Variants in PCDH9 observed in about 807,000 individuals in gnomAD.
PCDH9 encodes the protein protocadherin 9.
A neutral mutation model predicts 70.6 loss-of-function variants in PCDH9; 24 were observed. The ratio of observed to expected loss-of-function variants is 0.34; its 90% confidence interval spans 0.25 to 0.48. The LOEUF (loss-of-function observed/expected upper bound fraction) is 0.48. Among genes scored for constraint, PCDH9 ranks in the 20% least tolerant of loss-of-function variants. PCDH9 has a pLI of 0.99. For synonymous variants in PCDH9, 562 were observed against 558.5 expected (o/e 1.01, Z -0.09); for missense variants, 1,281 against 1,503.6 (o/e 0.85, Z 2.45).
At chr13:66,424,018 C>T (rs1323912080) in intron 4 of PCDH9, among the ~76,000 whole-genome samples, 5 of 152,066 alleles carry the variant, frequency 3.3e-5, no homozygotes, top group South Asian at 4.1e-4. Flanking sequence ...CACAAGCATT[C>T]GTATACACCA....
intron 2 of PCDH9, among the ~76,000 whole-genome samples, chr13:67,153,058 C>T (rs752645436): frequency 2.8e-4 from 43 of 151,934 alleles, no homozygotes; most frequent in Admixed American, 9.2e-4. Context: ...TGGACATGCT[C>T]GCCTCTCCCT....
At chr13:66,385,071 C>T (rs1241231663) in intron 4 of PCDH9, among the ~76,000 whole-genome samples, 1 of 152,062 alleles carries the variant, frequency 6.6e-6, no homozygotes, top group Non-Finnish European at 1.5e-5. Context: ...ATGTATTTGA[C>T]ATTTTTTTTT....
chr13:67,011,374 A>G (rs1379587339), intron 2 of PCDH9, among the ~76,000 whole-genome samples: 1 of 151,988 alleles, frequency 6.6e-6, no homozygotes, highest in East Asian at 1.9e-4. Flanking sequence ...ACTGCATATC[A>G]TGAAGATGAA....
At chr13:66,361,642 C>T (rs1956472768) in intron 4 of PCDH9, among the ~76,000 whole-genome samples, 1 of 151,924 alleles carries the variant, frequency 6.6e-6, no homozygotes, top group African/African-American at 2.4e-5. Context: ...AGGATGCCTG[C>T]CATGTTCAAG....
chr13:66,900,824 TC>T (rs1436628276), intron 3 of PCDH9, among the ~76,000 whole-genome samples: 2 of 151,770 alleles, frequency 1.3e-5, no homozygotes, highest in African/African-American at 4.8e-5. Flanking sequence ...CAATCATCTT[TC>T]TTGTTACTAT....
chr13:67,151,349 A>G (rs1431622264), intron 2 of PCDH9, among the ~76,000 whole-genome samples: 1 of 152,172 alleles, frequency 6.6e-6, no homozygotes, highest in African/African-American at 2.4e-5. Context: ...AGGGATATTA[A>G]CGTTTAATGC....
At chr13:67,010,237 A>G (rs1045237307) in intron 2 of PCDH9, among the ~76,000 whole-genome samples, 1 of 151,974 alleles carries the variant, frequency 6.6e-6, no homozygotes, top group Admixed American at 6.6e-5. Context: ...AGAAATGTTG[A>G]TAAGTTCCTT....
intron 4 of PCDH9, among the ~76,000 whole-genome samples, chr13:66,365,036 G>T (rs1017914743): frequency 6.6e-6 from 1 of 152,154 alleles, no homozygotes; most frequent in Non-Finnish European, 1.5e-5. Flanking sequence ...TATGATGACT[G>T]CCCTTTTAAG....
intron 3 of PCDH9, among the ~76,000 whole-genome samples, chr13:66,711,483 GTGT>G (rs2078793358): frequency 6.6e-6 from 1 of 151,706 alleles, no homozygotes; most frequent in Non-Finnish European, 1.5e-5. Context: ...GATGTTGAGA[GTGT>G]ATTTGCAGTC....
chr13:66,405,466 C>A (rs1957264631), intron 4 of PCDH9, among the ~76,000 whole-genome samples: 2 of 152,176 alleles, frequency 1.3e-5, no homozygotes, highest in East Asian at 1.9e-4. Context: ...TGGGCACCGA[C>A]CAAAGGATTT....
At chr13:66,475,138 A>G (rs1958697892) in intron 4 of PCDH9, among the ~76,000 whole-genome samples, 2 of 152,126 alleles carry the variant, frequency 1.3e-5, no homozygotes, top group African/African-American at 4.8e-5. Flanking sequence ...TGCTTTTCTC[A>G]TTATACAAGT....
At chr13:66,522,401 T>G (rs757148685) in intron 4 of PCDH9, among the ~76,000 whole-genome samples, 4 of 152,072 alleles carry the variant, frequency 2.6e-5, no homozygotes, top group Admixed American at 6.6e-5. Context: ...GCTTTCAGTA[T>G]GAAGTAAATA....
rs1489334037 is a variant in PCDH9 at position 66,303,408 on chromosome 13, T to C, written c.*1247A>G. On this transcript the variant is annotated 3_prime_UTR_variant, in exon 5 of 5. Coordinates refer to ENST00000377865, the MANE Select transcript of PCDH9 (RefSeq NM_203487.3). ...CAGTTAAACAGCAATAATTAGAGAT[T>C]TATCCCTTTATTTCCCCCAACTACC... 6.6e-6 allele frequency: 1 copy of C among 152,478 alleles called. No homozygotes were observed. Among genetic ancestry groups the C allele is most frequent in the Non-Finnish European group, 1.5e-5 (1 of 67,996 alleles). 9.4% of individuals were successfully genotyped at this position (152,478 alleles called of 1,614,324 possible).
chr13:67,070,839 C>T (rs562860824), intron 2 of PCDH9, among the ~76,000 whole-genome samples: 15 of 152,136 alleles, frequency 9.9e-5, no homozygotes, highest in Middle Eastern at 3.4e-3. Context: ...AACATTGGTA[C>T]TCACAGTTTA....
intron 3 of PCDH9, among the ~76,000 whole-genome samples, chr13:66,755,904 A>G (rs1290592958): frequency 6.6e-6 from 1 of 152,216 alleles, no homozygotes; most frequent in African/African-American, 2.4e-5. Flanking sequence ...GCGATAGATC[A>G]GGAGGCCTCT....
At chr13:66,973,500 G>A (rs1778044857) in intron 2 of PCDH9, among the ~76,000 whole-genome samples, 1 of 151,900 alleles carries the variant, frequency 6.6e-6, no homozygotes, top group African/African-American at 2.4e-5. Flanking sequence ...CAAAGAAAAA[G>A]GAAGAGGTGA....
rs184271043 is a variant in PCDH9, at chr13:67,078,587, A to G, written c.3036+146818T>C. ...AACCTTATGTGGCCATAAAATGGTA[A>G]GCTCAAATCCCAAATGTGCCTCATA... On this transcript the variant is annotated intron_variant, in intron 2 of 4. Coordinates refer to ENST00000377865, the MANE Select transcript of PCDH9 (RefSeq NM_203487.3). Among the ~76,000 whole-genome samples, 10 of 152,238 alleles carry G rather than the reference A, an allele frequency of 6.6e-5. No individual in the cohort carries two copies. In the East Asian group the frequency reaches 1.4e-3, roughly 21 times the overall value.
At chr13:66,682,315 AATGCGTGACC>A (rs769646276) in intron 3 of PCDH9, among the ~76,000 whole-genome samples, 18 of 152,134 alleles carry the variant, frequency 1.2e-4, no homozygotes, top group Admixed American at 3.9e-4. Flanking sequence ...CTCCTTTATG[AATGCGTGACC>A]TATCGCTATG....
At chr13:66,413,891 C>T (rs1241352617) in intron 4 of PCDH9, among the ~76,000 whole-genome samples, 2 of 152,006 alleles carry the variant, frequency 1.3e-5, no homozygotes, top group Non-Finnish European at 2.9e-5. Context: ...ATGGCCAAAG[C>T]AGCTCCTGAA....
Sources: allele counts gnomAD v4.1 joint callset (sites outside exome capture counted in the v4.1 genomes callset), GRCh38; gene constraint gnomAD v4.1.1; transcripts MANE v1.5; gene names NCBI Gene and HGNC (gene_info 2026-07-23, HGNC 2026-07-21).